TP63: variants seen among roughly 807,000 people sequenced by gnomAD.
TP63 encodes the protein tumor protein p63.
TP63 carries 17 observed loss-of-function variants against 82.8 expected under a neutral mutation model. The observed-to-expected ratio is 0.21, with a 90% CI of 0.14 to 0.31. The LOEUF (loss-of-function observed/expected upper bound fraction) is 0.31, where lower values mean the gene tolerates loss of function less well. TP63 is among the 10% of genes least tolerant of loss of function. The pLI is 1.00. For missense variants in TP63, 648 were observed against 895.3 expected (o/e 0.72, Z 3.52); for synonymous variants, 330 against 321.7 (o/e 1.03, Z -0.28).
At chr3:189,663,043 A>T (rs1407143905) in intron 1 of TP63, among the ~76,000 whole-genome samples, 1 of 152,130 alleles carries the variant, frequency 6.6e-6, no homozygotes, top group Non-Finnish European at 1.5e-5. Context: ...ACTATTGCAA[A>T]ATAAACATTT....
chr3:189,824,902 A>G (rs1297059999), intron 4 of TP63, among the ~76,000 whole-genome samples: 1 of 152,194 alleles, frequency 6.6e-6, no homozygotes, highest in African/African-American at 2.4e-5. Flanking sequence ...GGGGAAAGCA[A>G]ACTGAGCTAT....
intron 3 of TP63, among the ~76,000 whole-genome samples, chr3:189,802,083 A>G (rs1319834175): frequency 3.9e-5 from 6 of 152,200 alleles, no homozygotes; most frequent in Non-Finnish European, 5.9e-5. Context: ...AGAAACCATC[A>G]TTCTCTGAGG....
At chr3:189,620,971 C>G in the TP63 span, among the ~76,000 whole-genome samples, 8 of 152,152 alleles carry the variant, frequency 5.3e-5, no homozygotes, top group Non-Finnish European at 1.0e-4. Context: ...TCATCTATTA[C>G]GCACACCTTT....
intron 3 of TP63, among the ~76,000 whole-genome samples, chr3:189,773,862 T>C (rs201402083): frequency 1.3e-5 from 2 of 151,360 alleles, no homozygotes; most frequent in Admixed American, 6.6e-5. Flanking sequence ...GTGACTGGCT[T>C]ATAGTTCCCT....
chr3:189,642,622 T>G (rs1711999607), intron 1 of TP63, among the ~76,000 whole-genome samples: 1 of 152,040 alleles, frequency 6.6e-6, no homozygotes, highest in Non-Finnish European at 1.5e-5. Context: ...ATTAAATGAG[T>G]TAATTGTACA....
intron 4 of TP63, among the ~76,000 whole-genome samples, chr3:189,853,773 A>C (rs566331378): frequency 1.1e-3 from 160 of 152,330 alleles, no homozygotes; most frequent in African/African-American, 3.6e-3. Flanking sequence ...TTTAATGCTG[A>C]ATTTCCAAAA....
chr3:189,631,279 A>C, upstream of TP63: 1 of 1,321,606 alleles, frequency 7.6e-7, no homozygotes, highest in Admixed American at 3.0e-5. Context: ...CCAGCTGGTA[A>C]GAATCGAGTG....
chr3:189,828,262 A>AAAG (rs1553849262), intron 4 of TP63, among the ~76,000 whole-genome samples: 1 of 151,518 alleles, frequency 6.6e-6, no homozygotes, highest in African/African-American at 2.4e-5. Flanking sequence ...AAAAAAAAAA[A>AAAG]AGAGAGAGAG....
intron 1 of TP63, among the ~76,000 whole-genome samples, chr3:189,690,465 C>T (rs897593268): frequency 6.6e-6 from 1 of 152,224 alleles, no homozygotes. Context: ...TTCTTTCTAG[C>T]TCTAAAATTC....
chr3:189,695,579 T>C (rs1446009441), intron 1 of TP63, among the ~76,000 whole-genome samples: 2 of 152,190 alleles, frequency 1.3e-5, no homozygotes, highest in Non-Finnish European at 2.9e-5. Flanking sequence ...CAAGGAAATA[T>C]ATGGATATAT....
chr3:189,877,626 CA>C (rs1429464852), intron 10 of TP63, among the ~76,000 whole-genome samples: 1 of 152,116 alleles, frequency 6.6e-6, no homozygotes, highest in African/African-American at 2.4e-5. Context: ...GATTACTTGA[CA>C]ATTGTGGCTC....
chr3:189,807,221 C>A (rs1272422148), intron 3 of TP63, among the ~76,000 whole-genome samples: 1 of 152,206 alleles, frequency 6.6e-6, no homozygotes, highest in Non-Finnish European at 1.5e-5. Context: ...GCTGATTTGC[C>A]TACTCAGGCT....
intron 5 of TP63, among the ~76,000 whole-genome samples, chr3:189,865,770 A>G (rs944408451): frequency 6.6e-6 from 1 of 152,230 alleles, no homozygotes; most frequent in South Asian, 2.1e-4. Context: ...TTTTCACTTA[A>G]CAATCTGCCA....
intron 11 of TP63, among the ~76,000 whole-genome samples, chr3:189,888,957 T>G (rs1299023542): frequency 6.6e-6 from 1 of 152,222 alleles, no homozygotes; most frequent in Non-Finnish European, 1.5e-5. Flanking sequence ...ACTGTAGGGA[T>G]CTAGACACCT....
intron 3 of TP63, among the ~76,000 whole-genome samples, chr3:189,802,051 T>C (rs1726365149): frequency 6.6e-6 from 1 of 152,158 alleles, no homozygotes; most frequent in African/African-American, 2.4e-5. Context: ...TGTAAGTCAA[T>C]TGTGTTTAAT....
chr3:189,624,774 A>G, the TP63 span, among the ~76,000 whole-genome samples: 1 of 152,172 alleles, frequency 6.6e-6, no homozygotes, highest in African/African-American at 2.4e-5. Context: ...AAGCATTCAC[A>G]TACTTCCCAT....
At chr3:189,625,787 G>A in the TP63 span, among the ~76,000 whole-genome samples, 2 of 152,128 alleles carry the variant, frequency 1.3e-5, no homozygotes, top group African/African-American at 2.4e-5. Context: ...AGGAGGGGTG[G>A]GAGTGAGGAG....
At chr3:189,682,553 AATATATATATATATATATATAT>A (rs1179179631) in intron 1 of TP63, among the ~76,000 whole-genome samples, 18 of 10,370 alleles carry the variant, frequency 1.7e-3, no homozygotes, top group South Asian at 8.2e-3. Flanking sequence ...AAAAAAAAAA[AATATATATATATATATATATAT>A]ATATATATAT....
At chr3:189,704,076 T>G (rs1718022174) in intron 1 of TP63, among the ~76,000 whole-genome samples, 1 of 152,254 alleles carries the variant, frequency 6.6e-6, no homozygotes, top group South Asian at 2.1e-4. Flanking sequence ...AGGCCATACA[T>G]ATCCTGTTTC....
Sources: allele counts gnomAD v4.1 joint callset (sites outside exome capture counted in the v4.1 genomes callset), GRCh38; gene constraint gnomAD v4.1.1; transcripts MANE v1.5; gene names NCBI Gene and HGNC (gene_info 2026-07-23, HGNC 2026-07-21).